Variants in TBC1D8 observed in about 807,000 individuals in gnomAD.
TBC1D8 encodes TBC1 domain family member 8, also known as BUB2-like protein 1.
Under a neutral mutation model 118.8 loss-of-function variants are expected in TBC1D8, and 65 were observed. The observed-to-expected ratio is 0.55, with a 90% CI of 0.45 to 0.67. TBC1D8 has a LOEUF of 0.67. Among genes scored for constraint, TBC1D8 ranks in the 30% least tolerant of loss-of-function variants. The probability of loss-of-function intolerance (pLI) is 0.00; values close to 1 mark genes in which losing one functional copy is unlikely to be tolerated. For missense variants in TBC1D8, 1,376 were observed against 1,471.2 expected (o/e 0.94, Z 1.06); for synonymous variants, 566 against 595.8 (o/e 0.95, Z 0.73).
chr2:101,033,902 G>A (rs1215811240), intron 9 of TBC1D8, 144 bp from the exon 10 acceptor site: 7 of 982,664 alleles, frequency 7.1e-6, no homozygotes, highest in South Asian at 3.5e-5. Context: ...GGTGGCTCAC[G>A]CCTGTAATCC....
intron 1 of TBC1D8, among the ~76,000 whole-genome samples, chr2:101,107,662 C>T (rs760295392): frequency 2.0e-5 from 3 of 152,144 alleles, no homozygotes; most frequent in Non-Finnish European, 1.5e-5. Flanking sequence ...TTTCTACTAC[C>T]ATGCTCCAAT....
At chr2:101,120,677 G>A (rs1199217695) in intron 1 of TBC1D8, among the ~76,000 whole-genome samples, 3 of 152,200 alleles carry the variant, frequency 2.0e-5, no homozygotes, top group East Asian at 1.9e-4. Flanking sequence ...CAAAGATGTC[G>A]ATCTCAGGTT....
intron 1 of TBC1D8, among the ~76,000 whole-genome samples, chr2:101,131,212 C>T (rs1394265838): frequency 3.9e-5 from 6 of 152,182 alleles, no homozygotes; most frequent in Admixed American, 3.3e-4. Context: ...TCCCTTACCT[C>T]TTTAAAAACA....
chr2:101,031,047 G>A (rs1346626564), intron 11 of TBC1D8, among the ~76,000 whole-genome samples: 1 of 152,300 alleles, frequency 6.6e-6, no homozygotes, highest in Non-Finnish European at 1.5e-5. Flanking sequence ...CCTGTCTTGG[G>A]GCAGTGTCCA....
intron 5 of TBC1D8, among the ~76,000 whole-genome samples, chr2:101,042,101 T>A (rs997170252): frequency 2.0e-5 from 3 of 152,242 alleles, no homozygotes; most frequent in Non-Finnish European, 2.9e-5. Flanking sequence ...ATTATCTTTT[T>A]AAAAATATAT....
At chr2:101,051,632 A>G (rs1682079243) in intron 4 of TBC1D8, among the ~76,000 whole-genome samples, 2 of 152,222 alleles carry the variant, frequency 1.3e-5, no homozygotes, top group South Asian at 4.1e-4. Flanking sequence ...CACCCTGTTA[A>G]AAAGTGGCCA....
chr2:101,109,693 A>T (rs900092906), intron 1 of TBC1D8: 14 of 629,520 alleles, frequency 2.2e-5, no homozygotes, highest in Non-Finnish European at 2.6e-5. Flanking sequence ...GATGGGATGA[A>T]GCAGCTGAGG....
intron 17 of TBC1D8, among the ~76,000 whole-genome samples, chr2:101,016,850 C>T (rs1679681650): frequency 6.6e-6 from 1 of 151,872 alleles, no homozygotes; most frequent in Non-Finnish European, 1.5e-5. Flanking sequence ...CACATGTTCT[C>T]ACTCATAGAT....
chr2:101,089,823 T>A (rs1194173490), intron 2 of TBC1D8, among the ~76,000 whole-genome samples: 1 of 151,146 alleles, frequency 6.6e-6, no homozygotes, highest in Admixed American at 6.6e-5. Flanking sequence ...GCTCGATTCG[T>A]TATCGACAAT....
At chr2:101,096,813 G>GAC (rs1325962122) in intron 1 of TBC1D8, among the ~76,000 whole-genome samples, 2 of 151,412 alleles carry the variant, frequency 1.3e-5, no homozygotes, top group African/African-American at 4.9e-5. Flanking sequence ...GAGAGAGAGA[G>GAC]AGAGAGACAG....
At chr2:101,076,768 A>T (rs1674854062) in intron 2 of TBC1D8, among the ~76,000 whole-genome samples, 1 of 152,260 alleles carries the variant, frequency 6.6e-6, no homozygotes, top group Non-Finnish European at 1.5e-5. Flanking sequence ...TTTAACCTTC[A>T]AACTGCCCTT....
intron 1 of TBC1D8, among the ~76,000 whole-genome samples, chr2:101,143,772 G>C (rs1410662889): frequency 6.6e-6 from 1 of 152,160 alleles, no homozygotes; most frequent in Non-Finnish European, 1.5e-5. Flanking sequence ...ATGTTGCCCA[G>C]GCTGGTTTTA....
At position 101,008,216 on chromosome 2, in the gene TBC1D8, C is replaced by T. The variant is rs960904695; in HGVS notation, c.3073G>A (p.Glu1025Lys). ...GCGATGGCTTGATACAAATCATTTT[C>T]TTCTGGATCTTCATGGAACATACTG... is the stretch of plus-strand genomic sequence containing the variant. ...LYSMFHEDPE[E>K]NDLYQAIATV... Residue 1025 changes from glutamate (E) to lysine (K), a missense_variant, in exon 20 of 20, where the codon GAA (glutamate) becomes AAA (lysine). Coordinates refer to ENST00000409318, the MANE Select transcript of TBC1D8 (RefSeq NM_001330348.2). 1 of 1,602,166 alleles carries T rather than the reference C, an allele frequency of 6.2e-7. No homozygotes were observed. The highest frequency in any genetic ancestry group is 8.5e-7 in the Non-Finnish European group (1 of 1,173,970).
At chr2:101,027,679 C>A (rs896572159) in intron 14 of TBC1D8, among the ~76,000 whole-genome samples, 10 of 152,200 alleles carry the variant, frequency 6.6e-5, no homozygotes, top group South Asian at 2.1e-4. Context: ...ACAAACCTAC[C>A]GAGCTCTAAT....
intron 1 of TBC1D8, among the ~76,000 whole-genome samples, chr2:101,136,273 T>C (rs1678852108): frequency 1.3e-5 from 2 of 152,148 alleles, no homozygotes; most frequent in Admixed American, 6.5e-5. Context: ...GAGTTTTCAC[T>C]CTATTAGTGC....
chr2:101,058,483 T>TA (rs1285274832), intron 3 of TBC1D8, among the ~76,000 whole-genome samples: 1 of 152,144 alleles, frequency 6.6e-6, no homozygotes, highest in Non-Finnish European at 1.5e-5. Context: ...ATGAGAGAGT[T>TA]AAATTTAGAA....
rs1407199817 is a variant in TBC1D8 at position 101,050,441 on chromosome 2, G to C, written c.832C>G (p.Leu278Val). The C allele has an allele frequency of 1.9e-6, 3 of 1,613,800 alleles. No homozygotes were observed. Among genetic ancestry groups the C allele is most frequent in the Non-Finnish European group, 2.5e-6 (3 of 1,179,900 alleles). ...RRLLDNEVFD[L>V]DPDLQEPSQI... ...CTCGGCTCCTGCAGATCGGGGTCGA[G>C]GTCAAAGACCTCATTATCCAGCAGC... is the stretch of plus-strand genomic sequence containing the variant. The change falls in exon 5 of 20, where the codon CTC (leucine) becomes GTC (valine). Residue 278 changes from leucine to valine, a missense_variant. Physicochemically the swap from Leu to Val is conservative, Grantham distance 32. Coordinates refer to ENST00000409318, the MANE Select transcript of TBC1D8 (RefSeq NM_001330348.2).
chr2:101,010,331 T>C (rs1679110321), intron 19 of TBC1D8, among the ~76,000 whole-genome samples: 1 of 152,180 alleles, frequency 6.6e-6, no homozygotes, highest in Non-Finnish European at 1.5e-5. Context: ...AAGAATGCTG[T>C]ATCCACAGTG....
Position 101,037,579 on chromosome 2 carries a change from C to T in TBC1D8, c.1405G>A (p.Val469Ile), listed in dbSNP as rs979365033. 2 of 1,613,226 alleles carry T rather than the reference C, an allele frequency of 1.2e-6. No homozygotes were observed. Among genetic ancestry groups the T allele is most frequent in the Non-Finnish European group, 1.7e-6 (2 of 1,179,892 alleles). ...KSPLMHPDALVTAFQQSGSQS... is the reference protein window; with the variant it reads ...KSPLMHPDALITAFQQSGSQS... ...CTGCCTGACTGCTGGAAGGCGGTGACCAGGGCATCGGGGTGCATCAGCGGG... is the reference window on the plus strand; with the variant it reads ...CTGCCTGACTGCTGGAAGGCGGTGATCAGGGCATCGGGGTGCATCAGCGGG... Residue 469 changes from valine to isoleucine, a missense_variant, in exon 8 of 20, where the codon GTC becomes ATC. By Grantham distance (29) the Val-to-Ile change is conservative (BLOSUM62 3). Coordinates refer to ENST00000409318, the MANE Select transcript of TBC1D8 (RefSeq NM_001330348.2).
Sources: allele counts gnomAD v4.1 joint callset (sites outside exome capture counted in the v4.1 genomes callset), GRCh38; gene constraint gnomAD v4.1.1; transcripts MANE v1.5; gene names NCBI Gene and HGNC (gene_info 2026-07-23, HGNC 2026-07-21).